Variants in ZNF248 observed in about 807,000 individuals in gnomAD.
ZNF248 encodes KRAB protein domain.
In ZNF248, 20 loss-of-function variants were observed where a neutral mutation model predicts 44.3. The observed-to-expected ratio is 0.45, with a 90% CI of 0.32 to 0.66. The LOEUF is 0.66. Ranked by LOEUF, ZNF248 falls within the 30% of genes least tolerant of loss-of-function variation. The pLI is 0.04. For synonymous variants in ZNF248, 224 were observed against 229.0 expected (o/e 0.98, Z 0.20); for missense variants, 654 against 677.0 (o/e 0.97, Z 0.38).
intron 6 of ZNF248, among the ~76,000 whole-genome samples, chr10:37,817,976 C>T (rs2052797691): frequency 6.6e-6 from 1 of 152,032 alleles, no homozygotes; most frequent in Admixed American, 6.5e-5. Flanking sequence ...AGTGCAGTGG[C>T]GTGATCTCGG....
chr10:37,788,988 C>A (rs1291070099), intron 6 of ZNF248, among the ~76,000 whole-genome samples: 2 of 152,036 alleles, frequency 1.3e-5, no homozygotes, highest in Non-Finnish European at 2.9e-5. Context: ...TCTCCCACCT[C>A]AGCCTCCTAA....
Position 37,837,085 on chromosome 10 carries a change from TA to T in ZNF248, c.238+531del, listed in dbSNP as rs67744511. ...GGTATAAGTAAAATACTTTAAAATG[TA>T]AAAAAAAAAAAAAGTGTTTGTTTTT... On this transcript the variant is annotated intron_variant, in intron 5 of 5. Coordinates refer to ENST00000395867, the MANE Select transcript of ZNF248 (RefSeq NM_021045.3). Among the ~76,000 whole-genome samples, 1,159 of 139,978 alleles carry T rather than the reference TA, an allele frequency of 8.3e-3. 10 individuals are homozygous for T. The highest frequency in any genetic ancestry group is 0.019 in the African/African-American group (715 of 38,432). 91.8% of individuals were successfully genotyped at this position (139,978 alleles called of 152,430 possible). A position where few individuals can be genotyped will look rare whatever the true frequency, so the allele number is the denominator to read the frequency against.
intron 6 of ZNF248, among the ~76,000 whole-genome samples, chr10:37,813,234 TG>T (rs757413052): frequency 6.6e-6 from 1 of 152,206 alleles, no homozygotes; most frequent in Non-Finnish European, 1.5e-5. Context: ...TTAGACAGTC[TG>T]GCAGAAGGTT....
chr10:37,794,503 TC>T, intron 6 of ZNF248: 1 of 163,474 alleles, frequency 6.1e-6, no homozygotes. Context: ...ATAGGGTTTC[TC>T]CCCCGTGTGT....
At chr10:37,834,336 T>C (rs997131853) in intron 5 of ZNF248, among the ~76,000 whole-genome samples, 1 of 152,166 alleles carries the variant, frequency 6.6e-6, no homozygotes, top group Non-Finnish European at 1.5e-5. Context: ...CAGGTGTTAC[T>C]ATAATGTAAC....
chr10:37,844,667 AT>A (rs1257703127), intron 3 of ZNF248, among the ~76,000 whole-genome samples: 1 of 152,200 alleles, frequency 6.6e-6, no homozygotes, highest in East Asian at 1.9e-4. Flanking sequence ...TTTAAACTAG[AT>A]TGTTATAAAT....
intron 3 of ZNF248, among the ~76,000 whole-genome samples, chr10:37,843,655 T>TC (rs1473732045): frequency 1.3e-5 from 2 of 152,026 alleles, no homozygotes; most frequent in African/African-American, 4.8e-5. Context: ...TTAAGTGTCA[T>TC]CAAAAATGAC....
chr10:37,820,554 T>C, intron 6 of ZNF248: 1 of 1,601,438 alleles, frequency 6.2e-7, no homozygotes. Context: ...CCAGGGCTGG[T>C]CCCTGGCCCG....
At chr10:37,804,165 C>T (rs1184641867) in intron 6 of ZNF248, among the ~76,000 whole-genome samples, 4 of 133,272 alleles carry the variant, frequency 3.0e-5, no homozygotes, top group South Asian at 2.4e-4. Context: ...AGTGCAGTGG[C>T]GTGATCTCGG....
intron 6 of ZNF248, among the ~76,000 whole-genome samples, chr10:37,817,771 T>TC (rs1396549138): frequency 6.6e-6 from 1 of 152,084 alleles, no homozygotes; most frequent in Non-Finnish European, 1.5e-5. Context: ...CAGCATTTTT[T>TC]CCCCCCGAAG....
chr10:37,831,012 G>C lies in ZNF248; in HGVS notation c.*603C>G, dbSNP rs979780589. On this transcript the variant is annotated 3_prime_UTR_variant, in exon 6 of 6. Transcript: ENST00000395867. Reference sequence around the variant, plus strand: ...TATACTAGCACATCACTATATTTAAGTATGTGTGTAGAAATATATTTACAT... The same window carrying C: ...TATACTAGCACATCACTATATTTAACTATGTGTGTAGAAATATATTTACAT... The C allele has an allele frequency of 1.2e-6, 1 of 842,302 alleles. No homozygotes were observed. Among genetic ancestry groups the C allele is most frequent in the Non-Finnish European group, 1.5e-6 (1 of 652,430 alleles). The allele number at this position is 842,302 out of a possible 1,614,324, so 52.2% of individuals were successfully genotyped here.
chr10:37,839,391 C>T, intron 3 of ZNF248, among the ~76,000 whole-genome samples: 1 of 152,018 alleles, frequency 6.6e-6, no homozygotes, highest in Non-Finnish European at 1.5e-5. Flanking sequence ...AACTGACACA[C>T]CTAGCACCCT....
chr10:37,765,292 GT>G, the ZNF248 span, among the ~76,000 whole-genome samples: 1 of 152,154 alleles, frequency 6.6e-6, no homozygotes, highest in Non-Finnish European at 1.5e-5. Context: ...TCCTTGAGCT[GT>G]TTAGGGAATG....
intron 6 of ZNF248, among the ~76,000 whole-genome samples, chr10:37,804,106 T>TC (rs58677007): frequency 0.24 from 33,460 of 140,574 alleles, 4,002 homozygotes; most frequent in East Asian, 0.38. Context: ...TTTTTCTTTT[T>TC]TTTTTTTTTT....
At chr10:37,768,896 G>C in the ZNF248 span, among the ~76,000 whole-genome samples, 1 of 152,126 alleles carries the variant, frequency 6.6e-6, no homozygotes, top group African/African-American at 2.4e-5. Context: ...AAGAAGAAAA[G>C]AGAGAAGAAT....
chr10:37,790,602 C>T (rs1323934628), intron 6 of ZNF248, among the ~76,000 whole-genome samples: 1 of 151,192 alleles, frequency 6.6e-6, no homozygotes, highest in East Asian at 1.9e-4. Context: ...CTCAGCTACT[C>T]GGGAGGCTGA....
In ZNF248 at chr10:37,829,168, G is replaced by A. The variant is rs768047841; in HGVS notation, c.*2447C>T. 113 of 985,334 alleles carry A rather than the reference G, an allele frequency of 1.1e-4. No individual in the cohort carries two copies. The highest frequency in any genetic ancestry group is 1.0e-4 in the Non-Finnish European group (86 of 829,966). The allele number at this position is 985,334 out of a possible 1,614,324, so 61.0% of individuals were successfully genotyped here. On this transcript the variant is annotated 3_prime_UTR_variant, in exon 6 of 6. Transcript: ENST00000395867. ...GAGACACCAGCAATTTGGCACCACA[G>A]TTCTGGTAGTAATGATGTCTCTTAC...
At chr10:37,850,007 G>A (rs1365964710) in intron 3 of ZNF248, among the ~76,000 whole-genome samples, 1 of 151,900 alleles carries the variant, frequency 6.6e-6, no homozygotes, top group Non-Finnish European at 1.5e-5. Context: ...GGGGGCAGAG[G>A]TTGCAATGAG....
chr10:37,789,136 G>A (rs1395549007), intron 6 of ZNF248, among the ~76,000 whole-genome samples: 1 of 152,190 alleles, frequency 6.6e-6, no homozygotes, highest in African/African-American at 2.4e-5. Context: ...CTGGGAGTTA[G>A]AGTGGGGACT....
Sources: allele counts gnomAD v4.1 joint callset (sites outside exome capture counted in the v4.1 genomes callset), GRCh38; gene constraint gnomAD v4.1.1; transcripts MANE v1.5; gene names NCBI Gene and HGNC (gene_info 2026-07-23, HGNC 2026-07-21).